ESRRB: variants seen among roughly 807,000 people sequenced by gnomAD.
ESRRB encodes estrogen related receptor beta.
Under a neutral mutation model 46.0 loss-of-function variants are expected in ESRRB, and 16 were observed. The observed-to-expected ratio is 0.35, with a 90% CI of 0.24 to 0.53. The LOEUF (loss-of-function observed/expected upper bound fraction) is 0.53, where lower values mean the gene tolerates loss of function less well. Ranked by LOEUF, ESRRB falls within the 20% of genes least tolerant of loss-of-function variation. The probability of loss-of-function intolerance (pLI) is 0.93; values close to 1 mark genes in which losing one functional copy is unlikely to be tolerated. For synonymous variants in ESRRB, 246 were observed against 259.6 expected, an observed-to-expected ratio of 0.95 and a Z score of 0.50; for missense variants, 488 against 607.4, an observed-to-expected ratio of 0.80 and a Z score of 2.07.
chr14:76,341,374 C>T (rs894502494), intron 1 of ESRRB, among the ~76,000 whole-genome samples: 4 of 152,246 alleles, frequency 2.6e-5, no homozygotes, highest in Admixed American at 6.5e-5. Flanking sequence ...ATTCACACCT[C>T]ACTGGCGGGG....
chr14:76,498,732 G>A lies in ESRRB; in HGVS notation c.*274G>A, dbSNP rs1890538145. 9.1e-7 allele frequency: 1 copy of A among 1,101,546 alleles called. No individual in the cohort carries two copies. Among genetic ancestry groups the A allele is most frequent in the Middle Eastern group, 2.1e-4 (1 of 4,672 alleles). The allele number at this position is 1,101,546 out of a possible 1,614,324, so 68.2% of individuals were successfully genotyped here. A position where few individuals can be genotyped will look rare whatever the true frequency, so the allele number is the denominator to read the frequency against. On this transcript the variant is annotated 3_prime_UTR_variant, in exon 7 of 7. Coordinates refer to ENST00000644823, the MANE Select transcript of ESRRB (RefSeq NM_001379180.1). ...CTCCATGGACGGTGCGGAGGCCTGG[G>A]CCAGGGCTGACTCCCTTCAGGAGTG...
At chr14:76,331,561 C>G (rs1467643325) in intron 1 of ESRRB, among the ~76,000 whole-genome samples, 1 of 152,112 alleles carries the variant, frequency 6.6e-6, no homozygotes, top group South Asian at 2.1e-4. Flanking sequence ...CATTTTTCTC[C>G]CATCTGGGAA....
intron 1 of ESRRB, among the ~76,000 whole-genome samples, chr14:76,323,356 C>CTGGAG (rs1446079642): frequency 6.8e-6 from 1 of 147,746 alleles, no homozygotes; most frequent in Non-Finnish European, 1.5e-5. Context: ...GTTGCCCAGG[C>CTGGAG]TGGAGTGGAG....
chr14:76,365,218 T>A (rs931623503), intron 1 of ESRRB, among the ~76,000 whole-genome samples: 3 of 152,272 alleles, frequency 2.0e-5, no homozygotes, highest in African/African-American at 7.2e-5. Flanking sequence ...CTCACGCCTG[T>A]CATCCCAGCA....
chr14:76,414,469 GC>G (rs2139870980), intron 1 of ESRRB, among the ~76,000 whole-genome samples: 1 of 151,114 alleles, frequency 6.6e-6, no homozygotes, highest in African/African-American at 2.4e-5. Context: ...ATTTCGGAGG[GC>G]CCTGAGTTGT....
intron 1 of ESRRB, among the ~76,000 whole-genome samples, chr14:76,328,605 T>A (rs1394486538): frequency 7.4e-6 from 1 of 134,550 alleles, no homozygotes; most frequent in African/African-American, 2.8e-5. Context: ...TCCACTGCCC[T>A]TGAGTCCCAT....
chr14:76,447,534 C>G (rs1279079456), intron 2 of ESRRB, among the ~76,000 whole-genome samples: 1 of 152,098 alleles, frequency 6.6e-6, no homozygotes, highest in African/African-American at 2.4e-5. Flanking sequence ...TCCTTTCACA[C>G]CTAATGAACA....
At chr14:76,479,567 A>C (rs534491893) in intron 3 of ESRRB, among the ~76,000 whole-genome samples, 1 of 152,290 alleles carries the variant, frequency 6.6e-6, no homozygotes. Context: ...GTACATTTAG[A>C]AACCAGACAA....
rs1285091899 is a variant in ESRRB at position 76,315,327 on chromosome 14, T to C, written c.2+4411T>C. Among the ~76,000 whole-genome samples, 4 of 152,132 alleles carry C rather than the reference T, an allele frequency of 2.6e-5. No homozygotes were observed. In the East Asian group the frequency reaches 7.7e-4, roughly 29 times the overall value. On this transcript the variant is annotated intron_variant, in intron 1 of 6. Coordinates refer to the ESRRB transcript ENST00000512784. ...CAGGAGCTCCACCGAGGAGAGTCCA[T>C]GCTTCATTTCTCTTTGTTAGCCTGC...
chr14:76,480,480 T>C (rs1005127949), intron 3 of ESRRB, among the ~76,000 whole-genome samples: 1 of 152,230 alleles, frequency 6.6e-6, no homozygotes, highest in Non-Finnish European at 1.5e-5. Context: ...TAATTTTGCT[T>C]TCAGTTGCTC....
intron 5 of ESRRB, among the ~76,000 whole-genome samples, chr14:76,489,185 C>T (rs1162310538): frequency 6.6e-6 from 1 of 151,958 alleles, no homozygotes; most frequent in Non-Finnish European, 1.5e-5. Context: ...TAATTTCACC[C>T]CTGCCCTCCT....
At chr14:76,416,862 T>G (rs1034716604) in intron 1 of ESRRB, among the ~76,000 whole-genome samples, 1 of 152,172 alleles carries the variant, frequency 6.6e-6, no homozygotes, top group African/African-American at 2.4e-5. Context: ...AGACCCTGCC[T>G]TCAGGGAACT....
intron 3 of ESRRB, among the ~76,000 whole-genome samples, chr14:76,471,477 C>T (rs112273992): frequency 1.3e-5 from 2 of 152,294 alleles, no homozygotes; most frequent in African/African-American, 4.8e-5. Context: ...TCTTCAGTAT[C>T]ATCTCATACC....
chr14:76,319,045 T>A (rs1883836803), intron 1 of ESRRB, among the ~76,000 whole-genome samples: 1 of 152,192 alleles, frequency 6.6e-6, no homozygotes, highest in Non-Finnish European at 1.5e-5. Flanking sequence ...GGCTTTGGGG[T>A]GACCTGGCCA....
intron 1 of ESRRB, among the ~76,000 whole-genome samples, chr14:76,322,423 G>A (rs1359077972): frequency 6.6e-6 from 1 of 152,180 alleles, no homozygotes; most frequent in Non-Finnish European, 1.5e-5. Context: ...CTTTCCGAAA[G>A]CACGTGCTCA....
In ESRRB at chr14:76,491,693, A is replaced by C; in HGVS notation, c.1097A>C (p.Lys366Thr). Residue 366 changes from lysine (K) to threonine (T), a missense_variant, in exon 6 of 7, where the codon AAG becomes ACG. Transcript: ENST00000644823. ...KVEKEEFVTL[K>T]ALALANSDSM... Reference sequence around the variant, plus strand: ...GAGAAGGAGGAGTTTGTGACGCTCAAGGCCCTGGCCCTCGCCAACTCCGGT... The same window carrying C: ...GAGAAGGAGGAGTTTGTGACGCTCACGGCCCTGGCCCTCGCCAACTCCGGT... 3.2e-6 allele frequency: 5 copies of C among 1,584,148 alleles called. No homozygotes were observed. Among genetic ancestry groups the C allele is most frequent in the Non-Finnish European group, 4.3e-6 (5 of 1,167,132 alleles).
chr14:76,436,665 C>G (rs1595116157), intron 1 of ESRRB, among the ~76,000 whole-genome samples: 1 of 152,142 alleles, frequency 6.6e-6, no homozygotes, highest in East Asian at 1.9e-4. Context: ...GCCCCTGCAG[C>G]TGATGGCCTG....
At chr14:76,365,954 A>C (rs1254125008) in intron 1 of ESRRB, among the ~76,000 whole-genome samples, 1 of 152,214 alleles carries the variant, frequency 6.6e-6, no homozygotes. Flanking sequence ...ACCACCCTGC[A>C]CATGGTACAC....
At chr14:76,393,361 G>T (rs1458584341) in intron 1 of ESRRB, among the ~76,000 whole-genome samples, 1 of 152,102 alleles carries the variant, frequency 6.6e-6, no homozygotes, top group Non-Finnish European at 1.5e-5. Flanking sequence ...TCCTCTCCAT[G>T]CCCTGCAGCC....
Sources: allele counts gnomAD v4.1 joint callset (sites outside exome capture counted in the v4.1 genomes callset), GRCh38; gene constraint gnomAD v4.1.1; transcripts MANE v1.5; gene names NCBI Gene and HGNC (gene_info 2026-07-23, HGNC 2026-07-21).